Variants in ADISSP observed in about 807,000 individuals in gnomAD.
ADISSP encodes adipose-secreted signaling protein.
At chr20:3,754,609 G>A in the ADISSP span, 2 of 1,366,024 alleles carry the variant, frequency 1.5e-6, no homozygotes, top group South Asian at 2.4e-5. Context: ...CACCACCATG[G>A]GGGGACTGCA....
At chr20:3,758,944 TG>T in the ADISSP span, among the ~76,000 whole-genome samples, 1 of 151,558 alleles carries the variant, frequency 6.6e-6, no homozygotes, top group East Asian at 1.9e-4. This position sits in a 1 kb window ranked among gnomAD's most constrained non-coding sequence, Gnocchi z 5.5. Flanking sequence ...TTGGAGGGGG[TG>T]GGGCTGGTGC....
the ADISSP span, chr20:3,755,669 A>G: frequency 1.4e-6 from 2 of 1,479,264 alleles, no homozygotes; most frequent in South Asian, 2.5e-5. Context: ...AGGCCCACCC[A>G]GTTGTGCCAC....
chr20:3,753,930 G>A, the ADISSP span: 3 of 694,434 alleles, frequency 4.3e-6, no homozygotes, highest in African/African-American at 1.8e-5. Flanking sequence ...TGAGAGGCGT[G>A]GGCAAGGCCA....
chr20:3,755,744 C>A, the ADISSP span: 1 of 686,312 alleles, frequency 1.5e-6, no homozygotes, highest in East Asian at 2.7e-5. Flanking sequence ...CTCCCTCCAT[C>A]ACTCCAGCTG....
At chr20:3,757,269 G>A in the ADISSP span, among the ~76,000 whole-genome samples, 7 of 152,118 alleles carry the variant, frequency 4.6e-5, 1 homozygote, top group South Asian at 1.5e-3. Flanking sequence ...AGAATTGCTT[G>A]AACCTGGGAG....
the ADISSP span, chr20:3,754,173 G>T: frequency 6.3e-7 from 1 of 1,598,050 alleles, no homozygotes; most frequent in Non-Finnish European, 8.5e-7. Flanking sequence ...AAGGCAGGGT[G>T]CAAGTCAGTG....
At chr20:3,766,659 G>A in the ADISSP span, among the ~76,000 whole-genome samples, 1 of 152,188 alleles carries the variant, frequency 6.6e-6, no homozygotes, top group Non-Finnish European at 1.5e-5. Context: ...TGGATCCAGG[G>A]GGTCAGCCAA....
the ADISSP span, among the ~76,000 whole-genome samples, chr20:3,756,233 G>T: frequency 0.012 from 1,806 of 152,346 alleles, 38 homozygotes; most frequent in African/African-American, 0.041. Flanking sequence ...GGGGCTCCTG[G>T]CTGCCCTGCT....
chr20:3,758,239 G>A, the ADISSP span, among the ~76,000 whole-genome samples: 1 of 152,202 alleles, frequency 6.6e-6, no homozygotes, highest in Non-Finnish European at 1.5e-5. The surrounding 1 kb of genome is among the most constrained non-coding windows in gnomAD (Gnocchi z 5.5). Context: ...AGAATGGCTG[G>A]CCTAGACCTG....
At chr20:3,762,234 G>A in the ADISSP span, among the ~76,000 whole-genome samples, 97 of 151,536 alleles carry the variant, frequency 6.4e-4, 1 homozygote, top group Non-Finnish European at 1.3e-3. Context: ...ATCGCGCCAC[G>A]GCACTTCAGC....
chr20:3,756,130 G>A, the ADISSP span, among the ~76,000 whole-genome samples: 1 of 152,182 alleles, frequency 6.6e-6, no homozygotes, highest in Non-Finnish European at 1.5e-5. Flanking sequence ...CAGATAGCGT[G>A]GGATGAGGGA....
chr20:3,763,557 CAAA>C, the ADISSP span, among the ~76,000 whole-genome samples: 13 of 117,494 alleles, frequency 1.1e-4, no homozygotes, highest in South Asian at 2.7e-4. Flanking sequence ...AACTCCGTCT[CAAA>C]AAAAAAAAAA....
At chr20:3,759,595 C>T in the ADISSP span, among the ~76,000 whole-genome samples, 1 of 152,104 alleles carries the variant, frequency 6.6e-6, no homozygotes, top group South Asian at 2.1e-4. The surrounding 1 kb of genome is among the most constrained non-coding windows in gnomAD (Gnocchi z 4.6). Flanking sequence ...CTTGGATACT[C>T]GGAGGCCCAG....
chr20:3,762,436 G>T, the ADISSP span, among the ~76,000 whole-genome samples: 31 of 152,080 alleles, frequency 2.0e-4, no homozygotes, highest in Non-Finnish European at 7.3e-5. Flanking sequence ...CCAGGCTGGA[G>T]TCCAGCTCAC....
chr20:3,762,750 G>C, the ADISSP span, among the ~76,000 whole-genome samples: 1 of 152,240 alleles, frequency 6.6e-6, no homozygotes, highest in East Asian at 1.9e-4. Context: ...CTTCCAAGTA[G>C]TTATGATAGA....
chr20:3,755,699 A>G, the ADISSP span: 3 of 1,141,004 alleles, frequency 2.6e-6, no homozygotes, highest in Non-Finnish European at 3.8e-6. Flanking sequence ...CATGCGCCCC[A>G]GCACCTGCTT....
chr20:3,760,501 G>T, the ADISSP span, among the ~76,000 whole-genome samples: 6 of 152,308 alleles, frequency 3.9e-5, no homozygotes, highest in African/African-American at 1.2e-4. Context: ...TGGCAGGAGG[G>T]GCAGCCTGGA....
At chr20:3,764,166 A>G in the ADISSP span, among the ~76,000 whole-genome samples, 17 of 152,146 alleles carry the variant, frequency 1.1e-4, no homozygotes, top group African/African-American at 4.1e-4. Context: ...AAAGCTGTGA[A>G]CTCAGAGTAT....
chr20:3,762,565 T>C, the ADISSP span, among the ~76,000 whole-genome samples: 1 of 152,184 alleles, frequency 6.6e-6, no homozygotes, highest in Admixed American at 6.5e-5. Flanking sequence ...TTGCCCAGGC[T>C]GGTCTCAAAC....
Sources: gnomAD v4.1 joint callset for allele counts (sites outside exome capture counted in the v4.1 genomes callset) on GRCh38, gnomAD v4.1.1 for gene constraint, Gnocchi (gnomAD v3.1) non-coding constraint, MANE v1.5 for transcripts, NCBI Gene and HGNC (gene_info 2026-07-23, HGNC 2026-07-21) for gene names.